YAP1: variants seen among roughly 807,000 people sequenced by gnomAD.
YAP1 encodes Yes1 associated transcriptional regulator.
Under a neutral mutation model 56.9 loss-of-function variants are expected in YAP1, and 5 were observed. The ratio of observed to expected loss-of-function variants is 0.09; its 90% confidence interval spans 0.05 to 0.18. The LOEUF is 0.18. Among genes scored for constraint, YAP1 ranks in the 10% least tolerant of loss-of-function variants. YAP1 has a pLI of 1.00. For missense variants in YAP1, 539 were observed against 651.8 expected (o/e 0.83, Z 1.88); for synonymous variants, 265 against 248.1 (o/e 1.07, Z -0.64).
chr11:102,163,431 A>T (rs934739092), intron 3 of YAP1, among the ~76,000 whole-genome samples: 1 of 152,096 alleles, frequency 6.6e-6, no homozygotes, highest in Non-Finnish European at 1.5e-5. Context: ...GTACCTTTGT[A>T]CATATTAGGA....
rs747847672 is a variant in YAP1 at position 102,230,830 on chromosome 11, T to A, written c.*890T>A. 7 of 152,336 alleles carry A rather than the reference T, an allele frequency of 4.6e-5. No homozygotes were observed. Among genetic ancestry groups the A allele is most frequent in the Non-Finnish European group, 1.0e-4 (7 of 68,026 alleles). 9.4% of individuals were successfully genotyped at this position (152,336 alleles called of 1,614,324 possible). ...TCATTTCCTGGTTTTTTTTACCACC[T>A]TATTTAAATCTCGATTATCTGCTCT... is the stretch of plus-strand genomic sequence containing the variant. On this transcript the variant is annotated 3_prime_UTR_variant, in exon 9 of 9. Coordinates refer to ENST00000282441, the MANE Select transcript of YAP1 (RefSeq NM_001130145.3).
At chr11:102,203,459 T>G (rs1243539040) in intron 4 of YAP1, among the ~76,000 whole-genome samples, 1 of 152,218 alleles carries the variant, frequency 6.6e-6, no homozygotes, top group African/African-American at 2.4e-5. Context: ...ATTTTTCTTT[T>G]TTTAAAGAAG....
intron 4 of YAP1, among the ~76,000 whole-genome samples, chr11:102,199,822 A>G (rs1948759383): frequency 6.6e-6 from 1 of 152,208 alleles, no homozygotes; most frequent in Non-Finnish European, 1.5e-5. Flanking sequence ...AACACGCTCA[A>G]TGGGAAAAGC....
At chr11:102,171,628 T>G (rs1025154384) in intron 3 of YAP1, among the ~76,000 whole-genome samples, 5 of 152,198 alleles carry the variant, frequency 3.3e-5, no homozygotes, top group African/African-American at 1.2e-4. Flanking sequence ...CTAAAGGACT[T>G]AAGTGGCACT....
At position 102,183,736 on chromosome 11, in the gene YAP1, G is replaced by T. The variant is rs1030503495; in HGVS notation, c.689-2282G>T. Reference sequence around the variant, plus strand: ...TGTGTGTGTGTGTGTGTGTGTGTGTGTGTTTAAACCACATATATGAAACCC... The same window carrying T: ...TGTGTGTGTGTGTGTGTGTGTGTGTTTGTTTAAACCACATATATGAAACCC... On this transcript the variant is annotated intron_variant, in intron 3 of 8. Coordinates refer to ENST00000282441, the MANE Select transcript of YAP1 (RefSeq NM_001130145.3). Among the ~76,000 whole-genome samples the T allele has an allele frequency of 6.6e-5, 10 of 151,106 alleles. No individual in the cohort carries two copies. The East Asian group carries it at 1.9e-3, about 29-fold the overall frequency.
intron 6 of YAP1, among the ~76,000 whole-genome samples, chr11:102,222,227 G>C (rs910774742): frequency 1.3e-5 from 2 of 152,186 alleles, no homozygotes; most frequent in African/African-American, 2.4e-5. Flanking sequence ...AAAGCTGTGT[G>C]GAAGGATGAC....
chr11:102,130,778 A>G (rs1474079660), intron 2 of YAP1, among the ~76,000 whole-genome samples: 1 of 147,474 alleles, frequency 6.8e-6, no homozygotes, highest in Admixed American at 6.8e-5. Context: ...AGTTGTCCAA[A>G]TACAGATGTT....
chr11:102,158,687 A>G (rs1946097999), intron 2 of YAP1, among the ~76,000 whole-genome samples: 1 of 152,176 alleles, frequency 6.6e-6, no homozygotes, highest in Admixed American at 6.5e-5. Context: ...ATTTTTAGTT[A>G]TTTATTTTAC....
intron 2 of YAP1, among the ~76,000 whole-genome samples, chr11:102,143,511 A>G (rs1264363286): frequency 6.6e-6 from 1 of 152,222 alleles, no homozygotes; most frequent in African/African-American, 2.4e-5. Context: ...AATGTTCACC[A>G]ACATTAGCCA....
chr11:102,172,747 A>G (rs570973110), intron 3 of YAP1, among the ~76,000 whole-genome samples: 4 of 152,290 alleles, frequency 2.6e-5, no homozygotes, highest in African/African-American at 9.6e-5. Context: ...TCAGAGTGAT[A>G]GGCTGGGGAT....
intron 4 of YAP1, among the ~76,000 whole-genome samples, chr11:102,192,163 C>G: frequency 6.6e-6 from 1 of 152,152 alleles, no homozygotes; most frequent in East Asian, 1.9e-4. Context: ...GTTTATATTT[C>G]TTGATTACCC....
At chr11:102,138,387 C>T (rs1944805802) in intron 2 of YAP1, among the ~76,000 whole-genome samples, 2 of 152,204 alleles carry the variant, frequency 1.3e-5, no homozygotes, top group African/African-American at 4.8e-5. Context: ...AGGTCTCTCA[C>T]TCAAATGTCT....
intron 3 of YAP1, among the ~76,000 whole-genome samples, chr11:102,175,843 C>T (rs1440898090): frequency 6.6e-6 from 1 of 152,140 alleles, no homozygotes; most frequent in Non-Finnish European, 1.5e-5. Flanking sequence ...TTTTTTAGCT[C>T]TATTATAAGT....
At position 102,216,595 on chromosome 11, in the gene YAP1, T is replaced by C. The variant is rs1254136685; in HGVS notation, c.1033-7027T>C. ...TTTTGTAGACAGTCCAATTATGTCC[T>C]GAGCCATAAGCCTTGGGACATAATT... On this transcript the variant is annotated intron_variant, in intron 6 of 8. Transcript: ENST00000282441. 2.0e-5 allele frequency among the ~76,000 whole-genome samples: 3 copies of C among 152,198 alleles called. No homozygotes were observed. The East Asian group carries it at 5.8e-4, about 29-fold the overall frequency.
chr11:102,145,253 TCAGTGTTTTTGGTGTTCTC>T (rs1945265244), intron 2 of YAP1, among the ~76,000 whole-genome samples: 1 of 152,182 alleles, frequency 6.6e-6, no homozygotes, highest in Non-Finnish European at 1.5e-5. Flanking sequence ...GGAGTTCAGC[TCAGTGTTTTTGGTGTTCTC>T]CAGTAATTGG....
chr11:102,183,356 A>G (rs967124580), intron 3 of YAP1, among the ~76,000 whole-genome samples: 7 of 152,250 alleles, frequency 4.6e-5, no homozygotes. Flanking sequence ...GAATTTAGGC[A>G]TTTTCCTCTT....
rs552854583 is a variant in YAP1, at chr11:102,157,748, G to T, written c.573-4708G>T. 8.5e-5 allele frequency among the ~76,000 whole-genome samples: 13 copies of T among 152,140 alleles called. No individual in the cohort carries two copies. In the South Asian group the frequency reaches 2.7e-3, roughly 32 times the overall value. ...TTGGTTGTCCTGATGTCTCTTTTGG[G>T]CACATAAAGCACATTTTTGTCATGT... On this transcript the variant is annotated intron_variant, in intron 2 of 8. Transcript: ENST00000282441.
chr11:102,206,251 C>T (rs986432920), intron 5 of YAP1, among the ~76,000 whole-genome samples, 177 bp downstream of exon 5: 11 of 152,174 alleles, frequency 7.2e-5, no homozygotes, highest in East Asian at 1.9e-4. Flanking sequence ...CTGTGAATGG[C>T]CTTTGATCAA....
chr11:102,215,373 GAAAA>G (rs1255658704), intron 6 of YAP1, among the ~76,000 whole-genome samples: 1 of 151,866 alleles, frequency 6.6e-6, no homozygotes, highest in Non-Finnish European at 1.5e-5. Context: ...ATATATTATC[GAAAA>G]AAGACACACT....
Sources: gnomAD v4.1 joint callset for allele counts (sites outside exome capture counted in the v4.1 genomes callset) on GRCh38, gnomAD v4.1.1 for gene constraint, MANE v1.5 for transcripts, NCBI Gene and HGNC (gene_info 2026-07-23, HGNC 2026-07-21) for gene names.